The following KIAA1671 variants were observed in gnomAD, a reference collection of about 807,000 sequenced individuals.
KIAA1671 encodes uncharacterized protein KIAA1671.
KIAA1671 carries 52 observed loss-of-function variants against 131.2 expected under a neutral mutation model. The observed-to-expected ratio is 0.40, with a 90% CI of 0.32 to 0.50. The LOEUF (loss-of-function observed/expected upper bound fraction) is 0.50, where lower values mean the gene tolerates loss of function less well. Among genes scored for constraint, KIAA1671 ranks in the 20% least tolerant of loss-of-function variants. KIAA1671 has a pLI of 0.73. For synonymous variants in KIAA1671, 1,003 were observed against 961.6 expected, an observed-to-expected ratio of 1.04 and a Z score of -0.80; for missense variants, 2,360 against 2,364.2, an observed-to-expected ratio of 1.00 and a Z score of 0.04.
At chr22:25,087,342 C>T (rs1376174437) in intron 6 of KIAA1671, among the ~76,000 whole-genome samples, 6 of 152,132 alleles carry the variant, frequency 3.9e-5, no homozygotes, top group Admixed American at 2.0e-4. Flanking sequence ...CCCAATACTT[C>T]GGGAGGCCGA....
chr22:25,139,218 T>C (rs750181777), intron 6 of KIAA1671, among the ~76,000 whole-genome samples: 3 of 152,012 alleles, frequency 2.0e-5, no homozygotes, highest in Non-Finnish European at 4.4e-5. Flanking sequence ...GGCAATTACA[T>C]AGTAAGAAGG....
chr22:25,095,300 C>T (rs1362362331), intron 6 of KIAA1671, among the ~76,000 whole-genome samples: 1 of 152,230 alleles, frequency 6.6e-6, no homozygotes, highest in African/African-American at 2.4e-5. Flanking sequence ...CACAGACTCA[C>T]ATTCCAGCAT....
At chr22:25,049,179 G>T in intron 5 of KIAA1671, 51 bp from the exon 6 acceptor site, 1 of 1,525,438 alleles carries the variant, frequency 6.6e-7, no homozygotes, top group South Asian at 1.2e-5. Flanking sequence ...ATTTTTTCCT[G>T]TAAATGAGAA....
rs1037057914 is a variant in KIAA1671, at chr22:25,028,009, C to T, written c.10C>T (p.Arg4Trp). The change falls in exon 3 of 13, where the codon CGG (arginine) becomes TGG (tryptophan). Residue 4 changes from arginine (R) to tryptophan (W), a missense_variant. Physicochemically the swap from Arg to Trp is moderately radical, Grantham distance 101. Around this residue, in one of 3 missense-constraint regions of KIAA1671, gnomAD observed 1,185 missense variants for 1,126.2 expected, o/e 1.05. Coordinates refer to ENST00000358431, the MANE Select transcript of KIAA1671 (RefSeq NM_001145206.2). MAT[R>W]VEVGSITPLT... ...ATCCACAACCATAACCATGGCCACG[C>T]GGGTCGAGGTGGGCTCCATAACGCC... The T allele has an allele frequency of 5.6e-5, 83 of 1,484,342 alleles. No homozygotes were observed. Among genetic ancestry groups the T allele is most frequent in the Non-Finnish European group, 7.0e-5 (78 of 1,113,486 alleles). The allele number at this position is 1,484,342 out of a possible 1,614,324, so 91.9% of individuals were successfully genotyped here. A position where few individuals can be genotyped will look rare whatever the true frequency, so the allele number is the denominator to read the frequency against.
chr22:25,147,866 C>T (rs976847964), intron 6 of KIAA1671, among the ~76,000 whole-genome samples: 2 of 152,102 alleles, frequency 1.3e-5, no homozygotes, highest in Admixed American at 6.5e-5. Context: ...CTCGAAGAGG[C>T]GAGCTCTGTT....
chr22:25,121,943 CAGTAT>C (rs1351213954), intron 6 of KIAA1671, among the ~76,000 whole-genome samples: 2 of 152,170 alleles, frequency 1.3e-5, no homozygotes, highest in African/African-American at 4.8e-5. Context: ...AAGCCAGCTC[CAGTAT>C]ACGCAGCTGG....
At chr22:25,112,293 A>G in intron 6 of KIAA1671, 1 of 398,998 alleles carries the variant, frequency 2.5e-6, no homozygotes, top group Non-Finnish European at 4.4e-6. Flanking sequence ...ACGGTGGGCC[A>G]CGAACGGACG....
At chr22:25,068,217 G>A (rs1441850717) in intron 6 of KIAA1671, among the ~76,000 whole-genome samples, 2 of 150,912 alleles carry the variant, frequency 1.3e-5, no homozygotes, top group Non-Finnish European at 2.9e-5. Flanking sequence ...TGCCATCAGG[G>A]AGCAGGGCCG....
intron 4 of KIAA1671, among the ~76,000 whole-genome samples, chr22:25,034,328 G>A (rs955324730): frequency 9.9e-5 from 15 of 152,012 alleles, no homozygotes; most frequent in African/African-American, 3.6e-4. Flanking sequence ...TTACAAGTGT[G>A]AGCCACCACA....
intron 10 of KIAA1671, among the ~76,000 whole-genome samples, chr22:25,184,370 G>A (rs1451679921): frequency 2.6e-5 from 4 of 152,200 alleles, no homozygotes; most frequent in African/African-American, 9.7e-5. Context: ...TGGGTGATCA[G>A]TGCACAGAAG....
intron 7 of KIAA1671, among the ~76,000 whole-genome samples, chr22:25,173,807 G>A (rs1004735888): frequency 2.0e-5 from 3 of 152,176 alleles, no homozygotes; most frequent in African/African-American, 7.2e-5. Context: ...AGTTATTAGC[G>A]AGGCAGTTTA....
chr22:24,955,540 C>A (rs1425696040), intron 1 of KIAA1671, among the ~76,000 whole-genome samples: 1 of 152,148 alleles, frequency 6.6e-6, no homozygotes, highest in Admixed American at 6.5e-5. Flanking sequence ...GGGGCCAGGC[C>A]AGCCATGCTT....
Position 24,975,995 on chromosome 22 carries a change from C to T in KIAA1671, c.-208+23223C>T, listed in dbSNP as rs1389161734. 1.3e-5 allele frequency among the ~76,000 whole-genome samples: 2 copies of T among 152,238 alleles called. 1 individual carries two copies. Among genetic ancestry groups the T allele is most frequent in the East Asian group, 3.8e-4 (2 of 5,206 alleles). On this transcript the variant is annotated intron_variant, in intron 1 of 12. Coordinates refer to ENST00000358431, the MANE Select transcript of KIAA1671 (RefSeq NM_001145206.2). ...TCAGCGTGGGCTTCCCGTGTGGCTA[C>T]TGTATGCCTTGTGGGAAGAGGCGGG...
intron 6 of KIAA1671, among the ~76,000 whole-genome samples, chr22:25,125,052 C>T (rs1568969147): frequency 6.6e-6 from 1 of 152,234 alleles, no homozygotes; most frequent in Non-Finnish European, 1.5e-5. Context: ...AGCCACTGTT[C>T]CTGACTGTTG....
Position 25,028,981 on chromosome 22 carries a change from G to A in KIAA1671, c.982G>A (p.Asp328Asn), listed in dbSNP as rs1926117708. The change falls in exon 3 of 13, where the codon GAC becomes AAC. Residue 328 changes from aspartate (D) to asparagine (N), a missense_variant. By Grantham distance (23) the Asp-to-Asn change is conservative. Coordinates refer to ENST00000358431, the MANE Select transcript of KIAA1671 (RefSeq NM_001145206.2). ...CAGAGCAGCGTCCAAGCTGGACAGG[G>A]ACTGTTTGGTCAAGGCGGAGGCTCC... ...RPRAASKLDR[D>N]CLVKAEAPLH... 2.0e-6 allele frequency: 3 copies of A among 1,533,566 alleles called. No individual in the cohort carries two copies. Among genetic ancestry groups the A allele is most frequent in the Admixed American group, 4.2e-5 (2 of 47,510 alleles). The allele number at this position is 1,533,566 out of a possible 1,614,324, so 95.0% of individuals were successfully genotyped here.
intron 6 of KIAA1671, among the ~76,000 whole-genome samples, chr22:25,105,967 G>C (rs1390682813): frequency 6.6e-6 from 1 of 152,212 alleles, no homozygotes; most frequent in Non-Finnish European, 1.5e-5. Flanking sequence ...GTTGGGAGGA[G>C]CTGATGGTGT....
At chr22:25,095,151 G>A (rs535303982) in intron 6 of KIAA1671, among the ~76,000 whole-genome samples, 13 of 152,200 alleles carry the variant, frequency 8.5e-5, no homozygotes, top group Middle Eastern at 6.8e-3. Flanking sequence ...GCACAACACC[G>A]AACATCTCTG....
intron 6 of KIAA1671, among the ~76,000 whole-genome samples, chr22:25,079,416 C>T (rs2145861802): frequency 6.6e-6 from 1 of 152,130 alleles, no homozygotes. Context: ...TTCAGGCAAT[C>T]AACAATGGGT....
intron 6 of KIAA1671, among the ~76,000 whole-genome samples, chr22:25,070,863 C>T (rs528269349): frequency 6.6e-6 from 1 of 152,318 alleles, no homozygotes; most frequent in South Asian, 2.1e-4. Context: ...TGAACCTACA[C>T]AGTGATAGAA....
Sources: allele counts gnomAD v4.1 joint callset (sites outside exome capture counted in the v4.1 genomes callset), GRCh38; gene constraint gnomAD v4.1.1; regional missense constraint gnomAD v4.1.1; transcripts MANE v1.5; gene names NCBI Gene and HGNC (gene_info 2026-07-23, HGNC 2026-07-21).